The following BZW1 variants were observed in gnomAD, a reference collection of about 807,000 sequenced individuals.
BZW1 encodes eIF5-mimic protein 2.
In BZW1, 3 loss-of-function variants were observed where a neutral mutation model predicts 54.1. The ratio of observed to expected loss-of-function variants is 0.06; its 90% CI spans 0.03 to 0.14. BZW1 has a LOEUF of 0.14. Ranked by LOEUF, BZW1 falls within the 10% of genes least tolerant of loss-of-function variation. The pLI, the probability that BZW1 is intolerant of heterozygous loss-of-function variation, is 1.00. For synonymous variants in BZW1, 152 were observed against 162.7 expected, an observed-to-expected ratio of 0.93 and a Z score of 0.50; for missense variants, 206 against 491.7, an observed-to-expected ratio of 0.42 and a Z score of 5.50.
chr2:200,812,419 G>C, intron 1 of BZW1: 1 of 1,280,458 alleles, frequency 7.8e-7, no homozygotes, highest in East Asian at 3.1e-5. Context: ...TGTACGGGGC[G>C]CCTGGGGCCC....
At position 200,822,264 on chromosome 2, in the gene BZW1, A is replaced by G. The variant is rs1196510662; in HGVS notation, c.*86A>G. ...TGTGTCCTGGTTCTTACATCTTCCT[A>G]CCTCCCTGTATCAAGCATGATATAA... On this transcript the variant is annotated 3_prime_UTR_variant, in exon 12 of 12. Transcript: ENST00000409600. The G allele has an allele frequency of 4.3e-6, 5 of 1,169,672 alleles. No homozygotes were observed. Among genetic ancestry groups the G allele is most frequent in the South Asian group, 2.6e-5 (2 of 75,740 alleles). 72.5% of individuals were successfully genotyped at this position (1,169,672 alleles called of 1,614,324 possible). A position where few individuals can be genotyped will look rare whatever the true frequency, so the allele number is the denominator to read the frequency against.
intron 4 of BZW1, 33 bp downstream of exon 4, chr2:200,815,794 G>A (rs2105867145): frequency 1.3e-6 from 2 of 1,483,244 alleles, no homozygotes; most frequent in Admixed American, 2.4e-5. Context: ...GTTTTCAGTT[G>A]GCTACTATCC....
intron 2 of BZW1, among the ~76,000 whole-genome samples, chr2:200,813,957 T>G (rs187954054): frequency 5.7e-4 from 87 of 152,350 alleles, no homozygotes; most frequent in Non-Finnish European, 1.0e-3. Flanking sequence ...GGTCAGCTAC[T>G]GGTTATAAGT....
At chr2:200,821,417 G>A (rs1270451407) in intron 11 of BZW1, 112 bp downstream of exon 11, 11 of 1,342,666 alleles carry the variant, frequency 8.2e-6, no homozygotes, top group Non-Finnish European at 1.1e-5. Flanking sequence ...CTGGAGTAGA[G>A]ATTTTTGTTA....
Position 200,826,403 on chromosome 2 carries a change from AGATATTTTTTTTTTTTTT to A in BZW1, c.*4226_*4243del, listed in dbSNP as rs1559318370. ...TAGATAGATAGATAGATAGATAGAT[AGATATTTTTTTTTTTTTT>A]TTTTTTTTTTTTTTTTTTTTTGAGA... On this transcript the variant is annotated 3_prime_UTR_variant, in exon 12 of 12. Coordinates refer to ENST00000409600, the MANE Select transcript of BZW1 (RefSeq NM_001207067.2). 1 of 59,220 alleles carries A rather than the reference AGATATTTTTTTTTTTTTT, an allele frequency of 1.7e-5. No individual in the cohort carries two copies. Among genetic ancestry groups the A allele is most frequent in the Admixed American group, 1.7e-4 (1 of 5,938 alleles). 3.7% of individuals were successfully genotyped at this position (59,220 alleles called of 1,614,324 possible).
In BZW1 at chr2:200,818,279, G is replaced by A; in HGVS notation, c.705G>A (p.Glu235=). 2 of 1,609,662 alleles carry A rather than the reference G, an allele frequency of 1.2e-6. No individual in the cohort carries two copies. Among genetic ancestry groups the A allele is most frequent in the South Asian group, 1.1e-5 (1 of 90,446 alleles). ...AACACTTCACAAAATATTTTACTGA[G>A]GCAGGCTTGAAAGAGCTTTCAGAAT... ...SVEHFTKYFT[E]AGLKELSEYV... Residue 235 remains glutamate (E), a synonymous_variant, in exon 8 of 12, where the codon GAG becomes GAA. Coordinates refer to ENST00000409600, the MANE Select transcript of BZW1 (RefSeq NM_001207067.2).
rs1417376908 is a variant in BZW1, at chr2:200,811,950, C to T, written c.-51C>T. Reference sequence around the variant, plus strand: ...GGAGACACCGCCGCAGTTGCCGGTACATCGGGGATTTCTGGCTCTTTCCTC... The same window carrying T: ...GGAGACACCGCCGCAGTTGCCGGTATATCGGGGATTTCTGGCTCTTTCCTC... On this transcript the variant is annotated 5_prime_UTR_variant, in exon 1 of 12. Transcript: ENST00000409600. 4.7e-5 allele frequency: 14 copies of T among 299,644 alleles called. No homozygotes were observed. The highest frequency in any genetic ancestry group is 8.0e-5 in the Non-Finnish European group (13 of 163,324). The allele number at this position is 299,644 out of a possible 1,614,324, so 18.6% of individuals were successfully genotyped here. A position where few individuals can be genotyped will look rare whatever the true frequency, so the allele number is the denominator to read the frequency against.
chr2:200,819,931 G>T (rs1326276720), intron 9 of BZW1, 51 bp from the exon 10 acceptor site: 1 of 1,430,274 alleles, frequency 7.0e-7, no homozygotes. Flanking sequence ...GTTTTGTAAT[G>T]GATGGTTATT....
intron 1 of BZW1, chr2:200,812,419 G>A: frequency 1.6e-6 from 2 of 1,280,456 alleles, no homozygotes; most frequent in Admixed American, 4.0e-5. Context: ...TGTACGGGGC[G>A]CCTGGGGCCC....
In BZW1 at chr2:200,818,309, T is replaced by A. The variant is rs1331571856; in HGVS notation, c.735T>A (p.Val245=). 1 of 1,612,146 alleles carries A rather than the reference T, an allele frequency of 6.2e-7. No individual in the cohort carries two copies. Among genetic ancestry groups the A allele is most frequent in the Non-Finnish European group, 8.5e-7 (1 of 1,179,418 alleles). Residue 245 remains valine, a synonymous_variant, in exon 8 of 12, where the codon GTT becomes GTA. Coordinates refer to ENST00000409600, the MANE Select transcript of BZW1 (RefSeq NM_001207067.2). ...GCTTGAAAGAGCTTTCAGAATATGT[T>A]CGGAATCAGCAAACCATCGGAGCTC... ...EAGLKELSEY[V]RNQQTIGARK...
chr2:200,815,326 C>T lies in BZW1; in HGVS notation c.65-15C>T. On this transcript the variant is annotated splice_polypyrimidine_tract_variant and intron_variant, in intron 2 of 11. Transcript: ENST00000409600. Reference sequence around the variant, plus strand: ...TCTTTTAAAACTAAATGTTTTGGGTCCCTTGTCCCCCCAGATGAAAAAGAG... The same window carrying T: ...TCTTTTAAAACTAAATGTTTTGGGTTCCTTGTCCCCCCAGATGAAAAAGAG... The T allele has an allele frequency of 6.3e-7, 1 of 1,579,496 alleles. No homozygotes were observed. The highest frequency in any genetic ancestry group is 8.6e-7 in the Non-Finnish European group (1 of 1,161,578).
intron 2 of BZW1, 73 bp downstream of exon 2, chr2:200,813,354 T>C: frequency 7.6e-7 from 1 of 1,319,828 alleles, no homozygotes; most frequent in Non-Finnish European, 1.1e-6. Context: ...CTCTGACAGG[T>C]ACTTGCATAT....
Position 200,825,279 on chromosome 2 carries a change from C to CAA in BZW1, c.*3103_*3104dup, listed in dbSNP as rs367744826. ...TTCACCACGTTGATCAGGCTGGTCT[C>CAA]AAACTCCTGACCTCGTGGTCTGCCT... On this transcript the variant is annotated 3_prime_UTR_variant, in exon 12 of 12. Transcript: ENST00000409600. 6.2e-5 allele frequency: 6 copies of CAA among 96,810 alleles called. No homozygotes were observed. The highest frequency in any genetic ancestry group is 2.7e-4 in the South Asian group (1 of 3,720). 6.0% of individuals were successfully genotyped at this position (96,810 alleles called of 1,614,324 possible).
chr2:200,820,589 G>C (rs535783789), intron 10 of BZW1, among the ~76,000 whole-genome samples: 3 of 152,186 alleles, frequency 2.0e-5, no homozygotes, highest in Non-Finnish European at 4.4e-5. Flanking sequence ...GGCTGAGGTA[G>C]GAGGATCACT....
chr2:200,821,368 C>T, intron 11 of BZW1, 63 bp downstream of exon 11: 1 of 1,579,258 alleles, frequency 6.3e-7, no homozygotes, highest in African/African-American at 1.3e-5. Flanking sequence ...CATAATATAT[C>T]TTCACACATG....
intron 1 of BZW1, chr2:200,812,852 T>C (rs1464583817): frequency 1.2e-5 from 8 of 659,022 alleles, no homozygotes; most frequent in Admixed American, 2.1e-5. Flanking sequence ...TAATCTCTCT[T>C]TGCGTTCTGC....
Position 200,816,333 on chromosome 2 carries a change from C to G in BZW1, c.345C>G (p.Asn115Lys). 6.3e-7 allele frequency: 1 copy of G among 1,584,162 alleles called. No homozygotes were observed. Among genetic ancestry groups the G allele is most frequent in the Non-Finnish European group, 8.6e-7 (1 of 1,158,824 alleles). The change falls in exon 5 of 12, where the codon AAC (asparagine) becomes AAG (lysine). Residue 115 changes from asparagine to lysine, a missense_variant. Physicochemically the swap from Asn to Lys is moderately conservative, Grantham distance 94 (BLOSUM62 0). Coordinates refer to ENST00000409600, the MANE Select transcript of BZW1 (RefSeq NM_001207067.2). ...TTTAATGTTCTTCATAGGTTTTTAA[C>G]AAGTTAATCAGGCGCTACAAATACC... ...ETMQAFAQVF[N>K]KLIRRYKYLE...
Position 200,819,972 on chromosome 2 carries a change from C to T in BZW1, c.967-10C>T. The T allele has an allele frequency of 1.3e-6, 2 of 1,482,452 alleles. No homozygotes were observed. The highest frequency in any genetic ancestry group is 1.8e-6 in the Non-Finnish European group (2 of 1,115,120). The allele number at this position is 1,482,452 out of a possible 1,614,324, so 91.8% of individuals were successfully genotyped here. Reference sequence around the variant, plus strand: ...TGAATGACTAAATCTTTTCTCTGTTCCTTTAAAAGCAATACAGCCCTCTAC... The same window carrying T: ...TGAATGACTAAATCTTTTCTCTGTTTCTTTAAAAGCAATACAGCCCTCTAC... On this transcript the variant is annotated splice_polypyrimidine_tract_variant and intron_variant, in intron 9 of 11. Transcript: ENST00000409600.
At chr2:200,819,173 C>G in intron 9 of BZW1, 1 of 371,356 alleles carries the variant, frequency 2.7e-6, no homozygotes, top group Non-Finnish European at 4.8e-6. Context: ...AGGAGGATTG[C>G]TTGAGCTCAG....
Sources: gnomAD v4.1 joint callset for allele counts (sites outside exome capture counted in the v4.1 genomes callset) on GRCh38, gnomAD v4.1.1 for gene constraint, MANE v1.5 for transcripts, NCBI Gene and HGNC (gene_info 2026-07-23, HGNC 2026-07-21) for gene names.